MAP3K20: variants seen among roughly 807,000 people sequenced by gnomAD.
MAP3K20 encodes mitogen-activated protein kinase kinase kinase 20.
MAP3K20 carries 40 observed loss-of-function variants against 85.7 expected under a neutral mutation model. That is an observed-to-expected ratio of 0.47 (90% confidence interval 0.36 to 0.61). The LOEUF (loss-of-function observed/expected upper bound fraction) is 0.61, where lower values mean the gene tolerates loss of function less well. Among genes scored for constraint, MAP3K20 ranks in the 20% least tolerant of loss-of-function variants. MAP3K20 has a pLI of 0.00. For synonymous variants in MAP3K20, 325 were observed against 327.7 expected (o/e 0.99, Z 0.09); for missense variants, 817 against 961.7 (o/e 0.85, Z 1.99).
At chr2:173,148,779 C>T (rs1023075328) in intron 2 of MAP3K20, among the ~76,000 whole-genome samples, 4 of 152,152 alleles carry the variant, frequency 2.6e-5, no homozygotes, top group Admixed American at 2.6e-4. Flanking sequence ...TCATGGTTTG[C>T]CAAATTTGGC....
intron 2 of MAP3K20, among the ~76,000 whole-genome samples, chr2:173,146,919 C>G (rs557495258): frequency 2.0e-5 from 3 of 152,282 alleles, no homozygotes; most frequent in Non-Finnish European, 4.4e-5. Flanking sequence ...GAAGTGGTTT[C>G]TAGTTCTGGT....
intron 9 of MAP3K20, 156 bp from the exon 10 acceptor site, chr2:173,209,572 TC>T (rs1482228639): frequency 3.5e-5 from 21 of 591,874 alleles, no homozygotes; most frequent in Non-Finnish European, 4.6e-5. Context: ...ACCTGAGTGA[TC>T]TGATGATTGT....
At chr2:173,083,052 A>C (rs1422741685) in intron 1 of MAP3K20, among the ~76,000 whole-genome samples, 1 of 152,228 alleles carries the variant, frequency 6.6e-6, no homozygotes, top group Non-Finnish European at 1.5e-5. Context: ...TTTCAATAAG[A>C]ATGTTTAGCT....
At chr2:173,168,887 T>C (rs530480667) in intron 2 of MAP3K20, among the ~76,000 whole-genome samples, 1 of 152,294 alleles carries the variant, frequency 6.6e-6, no homozygotes, top group South Asian at 2.1e-4. Flanking sequence ...GTTTTAAAAA[T>C]TAAGTTTAAT....
chr2:173,091,943 G>A (rs561122009), intron 2 of MAP3K20, among the ~76,000 whole-genome samples: 4 of 152,332 alleles, frequency 2.6e-5, no homozygotes, highest in East Asian at 1.9e-4. Flanking sequence ...CTTCAGCAGC[G>A]ACCCTCTGGA....
chr2:173,165,833 G>A (rs1689803720), intron 2 of MAP3K20, among the ~76,000 whole-genome samples: 1 of 152,016 alleles, frequency 6.6e-6, no homozygotes, highest in African/African-American at 2.4e-5. Flanking sequence ...CAGAACACCT[G>A]GCTAATTTTT....
chr2:173,105,868 A>G (rs1321803878), intron 2 of MAP3K20, among the ~76,000 whole-genome samples: 1 of 152,168 alleles, frequency 6.6e-6, no homozygotes, highest in Non-Finnish European at 1.5e-5. Flanking sequence ...AGTGTAATTA[A>G]CGCCCCTGAA....
chr2:173,173,091 G>A (rs1690048006), intron 3 of MAP3K20, among the ~76,000 whole-genome samples: 1 of 151,596 alleles, frequency 6.6e-6, no homozygotes, highest in Admixed American at 6.6e-5. Flanking sequence ...CGCCCAGCCT[G>A]GATCATCTTT....
At chr2:173,104,616 G>T (rs760565370) in intron 2 of MAP3K20, among the ~76,000 whole-genome samples, 1 of 152,144 alleles carries the variant, frequency 6.6e-6, no homozygotes, top group Non-Finnish European at 1.5e-5. Flanking sequence ...ATATACCCTG[G>T]TGATGCAGCA....
intron 2 of MAP3K20, among the ~76,000 whole-genome samples, chr2:173,093,971 A>C (rs1275215270): frequency 8.0e-6 from 1 of 124,970 alleles, no homozygotes; most frequent in African/African-American, 3.1e-5. Flanking sequence ...GGGGAACATC[A>C]CACTCTGGGG....
chr2:173,225,237 G>A lies in MAP3K20; in HGVS notation c.988-4452G>A, dbSNP rs571472549. On this transcript the variant is annotated intron_variant, in intron 11 of 19. Coordinates refer to ENST00000375213, the MANE Select transcript of MAP3K20 (RefSeq NM_016653.3). ...TGTCACAGCAACTGGGGTGGCATTT[G>A]CTGCCCAGTGCCAGGAATAGTAACA... is the stretch of plus-strand genomic sequence containing the variant. The A allele has an allele frequency of 1.1e-5, 7 of 635,678 alleles. No homozygotes were observed. The South Asian group carries it at 4.9e-4, about 45-fold the overall frequency. 39.4% of individuals were successfully genotyped at this position (635,678 alleles called of 1,614,324 possible). A position where few individuals can be genotyped will look rare whatever the true frequency, so the allele number is the denominator to read the frequency against.
intron 7 of MAP3K20, among the ~76,000 whole-genome samples, chr2:173,197,382 TAGA>T (rs1337485495): frequency 6.6e-6 from 1 of 152,214 alleles, no homozygotes; most frequent in East Asian, 1.9e-4. Flanking sequence ...CTTATATGTA[TAGA>T]AAGTGTTTAT....
At chr2:173,214,057 A>ATGAT (rs1262207094) in intron 10 of MAP3K20, among the ~76,000 whole-genome samples, 1 of 152,116 alleles carries the variant, frequency 6.6e-6, no homozygotes, top group African/African-American at 2.4e-5. Flanking sequence ...TTTCTGGCAA[A>ATGAT]TGATTATTTT....
chr2:173,227,090 T>A (rs1574136805), intron 11 of MAP3K20: 2 of 985,776 alleles, frequency 2.0e-6, no homozygotes, highest in East Asian at 1.1e-4. Flanking sequence ...ATGTGAACTT[T>A]TCTTTGCTTT....
At chr2:173,088,592 G>A (rs1432320154) in intron 1 of MAP3K20, among the ~76,000 whole-genome samples, 1 of 152,182 alleles carries the variant, frequency 6.6e-6, no homozygotes, top group African/African-American at 2.4e-5. Context: ...GGGGAGACAG[G>A]AAACTTCTAT....
intron 12 of MAP3K20, among the ~76,000 whole-genome samples, chr2:173,231,887 C>A (rs1684530985): frequency 6.6e-6 from 1 of 152,154 alleles, no homozygotes; most frequent in Non-Finnish European, 1.5e-5. Flanking sequence ...ATCCAGGGGA[C>A]CACTGGCACA....
chr2:173,151,175 A>G (rs972476440), intron 2 of MAP3K20, among the ~76,000 whole-genome samples: 1 of 152,242 alleles, frequency 6.6e-6, no homozygotes, highest in East Asian at 1.9e-4. Flanking sequence ...TAGAGAAGTT[A>G]GAACCCACAA....
At chr2:173,090,649 C>T (rs1246793739) in intron 1 of MAP3K20, 10 of 995,432 alleles carry the variant, frequency 1.0e-5, no homozygotes, top group South Asian at 4.5e-5. Flanking sequence ...GCATGCTTCC[C>T]GTCTGTCAGG....
chr2:173,242,177 A>ATTT (rs111864866), intron 16 of MAP3K20, among the ~76,000 whole-genome samples: 2 of 142,654 alleles, frequency 1.4e-5, no homozygotes, highest in South Asian at 2.2e-4. Flanking sequence ...AGAAAAAAAA[A>ATTT]TTTTTTTTTT....
Sources: allele counts gnomAD v4.1 joint callset (sites outside exome capture counted in the v4.1 genomes callset), GRCh38; gene constraint gnomAD v4.1.1; transcripts MANE v1.5; gene names NCBI Gene and HGNC (gene_info 2026-07-23, HGNC 2026-07-21).